ASIC2: variants seen among roughly 807,000 people sequenced by gnomAD.
The protein encoded by ASIC2 is acid sensing ion channel subunit 2.
In ASIC2, 25 loss-of-function variants were observed where a neutral mutation model predicts 57.3. The observed-to-expected ratio is 0.44, with a 90% CI of 0.32 to 0.61. The LOEUF is 0.61. Ranked by LOEUF, ASIC2 falls within the 20% of genes least tolerant of loss-of-function variation. The pLI is 0.06. For synonymous variants in ASIC2, 319 were observed against 307.5 expected, an observed-to-expected ratio of 1.04 and a Z score of -0.39; for missense variants, 641 against 738.1, an observed-to-expected ratio of 0.87 and a Z score of 1.52.
chr17:34,095,564 T>A (rs1222068691), intron 1 of ASIC2, among the ~76,000 whole-genome samples: 6 of 146,364 alleles, frequency 4.1e-5, no homozygotes, highest in African/African-American at 1.5e-4. Context: ...ATGAGATTGG[T>A]AGGAACCAGC....
At chr17:33,636,876 CA>C (rs1906385458) in intron 1 of ASIC2, among the ~76,000 whole-genome samples, 3 of 144,112 alleles carry the variant, frequency 2.1e-5, no homozygotes, top group South Asian at 2.2e-4. Flanking sequence ...CATGCACACA[CA>C]CCCACACACA....
chr17:33,307,321 T>A (rs1196580839), intron 1 of ASIC2, among the ~76,000 whole-genome samples: 2 of 151,956 alleles, frequency 1.3e-5, no homozygotes, highest in East Asian at 3.8e-4. Flanking sequence ...TTCTTCGTCT[T>A]CTTTTGATGG....
intron 1 of ASIC2, among the ~76,000 whole-genome samples, chr17:33,493,642 G>T (rs1378326250): frequency 6.6e-6 from 1 of 151,766 alleles, no homozygotes; most frequent in South Asian, 2.1e-4. Context: ...TAGGACTAGC[G>T]CTCTGTTAAA....
At chr17:33,777,726 G>C (rs376589647) in intron 1 of ASIC2, among the ~76,000 whole-genome samples, 12 of 152,222 alleles carry the variant, frequency 7.9e-5, no homozygotes, top group East Asian at 7.7e-4. Context: ...TTATAAGCTG[G>C]AAAAAAGATT....
At chr17:33,042,159 T>G (rs1291729018) in intron 3 of ASIC2, among the ~76,000 whole-genome samples, 2 of 152,206 alleles carry the variant, frequency 1.3e-5, no homozygotes, top group Non-Finnish European at 2.9e-5. Context: ...CATACTAAAA[T>G]CAAATCCACC....
chr17:34,154,814 T>C (rs117446927), intron 1 of ASIC2, among the ~76,000 whole-genome samples: 2,234 of 152,136 alleles, frequency 0.015, 30 homozygotes, highest in Non-Finnish European at 0.021. Flanking sequence ...CTCTCAATCC[T>C]CCCTAAGGCA....
At chr17:33,736,187 A>G (rs1909905165) in intron 1 of ASIC2, among the ~76,000 whole-genome samples, 1 of 152,110 alleles carries the variant, frequency 6.6e-6, no homozygotes, top group Non-Finnish European at 1.5e-5. Context: ...GGCTATAAAG[A>G]GGCCACCTGG....
At chr17:33,251,594 C>T (rs568654209) in intron 1 of ASIC2, among the ~76,000 whole-genome samples, 4 of 152,206 alleles carry the variant, frequency 2.6e-5, no homozygotes, top group Admixed American at 2.0e-4. Flanking sequence ...TCCTAAAGTG[C>T]GGGGATTACA....
intron 1 of ASIC2, among the ~76,000 whole-genome samples, chr17:33,144,775 C>A (rs557602674): frequency 1.3e-5 from 2 of 152,228 alleles, no homozygotes; most frequent in South Asian, 4.1e-4. Flanking sequence ...GCTGGGACAC[C>A]CACTATATGG....
chr17:33,248,971 G>A (rs145108148), intron 1 of ASIC2, among the ~76,000 whole-genome samples: 6 of 152,312 alleles, frequency 3.9e-5, no homozygotes, highest in African/African-American at 1.4e-4. Flanking sequence ...AGAAAGGGTA[G>A]ATGTAGAAAG....
intron 1 of ASIC2, among the ~76,000 whole-genome samples, chr17:34,081,357 G>T (rs144191741): frequency 1.3e-5 from 2 of 152,292 alleles, no homozygotes; most frequent in African/African-American, 4.8e-5. Flanking sequence ...GATATCCTTA[G>T]AAGTGATAGA....
At chr17:33,411,788 C>A (rs1016760159) in intron 1 of ASIC2, among the ~76,000 whole-genome samples, 3 of 152,176 alleles carry the variant, frequency 2.0e-5, no homozygotes, top group Non-Finnish European at 2.9e-5. Flanking sequence ...TTTGGCCAGA[C>A]CATGATGAGT....
At chr17:33,339,479 G>C (rs1259086053) in intron 1 of ASIC2, among the ~76,000 whole-genome samples, 1 of 152,206 alleles carries the variant, frequency 6.6e-6, no homozygotes, top group Non-Finnish European at 1.5e-5. Flanking sequence ...GTGGATCATA[G>C]GTTGCCAATC....
intron 1 of ASIC2, among the ~76,000 whole-genome samples, chr17:33,364,358 C>G (rs763811481): frequency 6.6e-6 from 1 of 152,098 alleles, no homozygotes; most frequent in Non-Finnish European, 1.5e-5. Flanking sequence ...AAAAATGGGT[C>G]AAAATGGGAC....
intron 1 of ASIC2, among the ~76,000 whole-genome samples, chr17:33,972,833 A>G (rs924091899): frequency 1.3e-5 from 2 of 152,238 alleles, no homozygotes; most frequent in African/African-American, 4.8e-5. Context: ...GTCGCAGACA[A>G]TGAAAGAGTC....
At chr17:33,363,285 C>T (rs1317302090) in intron 1 of ASIC2, among the ~76,000 whole-genome samples, 1 of 152,198 alleles carries the variant, frequency 6.6e-6, no homozygotes, top group African/African-American at 2.4e-5. Flanking sequence ...CCCAGCCTCT[C>T]AGAATTAAAT....
intron 1 of ASIC2, among the ~76,000 whole-genome samples, chr17:33,464,466 T>A (rs1163980084): frequency 1.2e-5 from 1 of 86,650 alleles, no homozygotes; most frequent in African/African-American, 5.9e-5. Flanking sequence ...TCTCTTTCTT[T>A]CTTTCTTTCT....
At chr17:33,192,651 A>G (rs1906473839) in intron 1 of ASIC2, among the ~76,000 whole-genome samples, 1 of 152,128 alleles carries the variant, frequency 6.6e-6, no homozygotes, top group African/African-American at 2.4e-5. Flanking sequence ...GCAAAAGTTG[A>G]CTTCTTTATT....
At chr17:33,604,771 C>T (rs1905187603) in intron 1 of ASIC2, among the ~76,000 whole-genome samples, 1 of 152,110 alleles carries the variant, frequency 6.6e-6, no homozygotes. Flanking sequence ...AGGCCCATGT[C>T]AGACCCACCT....
Sources: allele counts gnomAD v4.1 joint callset (sites outside exome capture counted in the v4.1 genomes callset), GRCh38; gene constraint gnomAD v4.1.1; transcripts MANE v1.5; gene names NCBI Gene and HGNC (gene_info 2026-07-23, HGNC 2026-07-21).